GPD2: variants seen among roughly 807,000 people sequenced by gnomAD.
The protein encoded by GPD2 is glycerol-3-phosphate dehydrogenase, mitochondrial.
A neutral mutation model predicts 82.4 loss-of-function variants in GPD2; 54 were observed. That is an observed-to-expected ratio of 0.66 (90% CI 0.53 to 0.82). The LOEUF (loss-of-function observed/expected upper bound fraction) is 0.82, where lower values mean the gene tolerates loss of function less well. Among genes scored for constraint, GPD2 ranks in the 40% least tolerant of loss-of-function variants. GPD2 has a pLI of 0.00. For missense variants in GPD2, 748 were observed against 896.2 expected (o/e 0.83, Z 2.11); for synonymous variants, 288 against 306.1 (o/e 0.94, Z 0.62).
At chr2:156,525,893 G>C (rs1396585002) in intron 6 of GPD2, among the ~76,000 whole-genome samples, 1 of 152,078 alleles carries the variant, frequency 6.6e-6, no homozygotes, top group African/African-American at 2.4e-5. Context: ...TTCTTTCCTT[G>C]TTCTGCCCTA....
At position 156,439,620 on chromosome 2, in the gene GPD2, G is replaced by A. The variant is rs555513734; in HGVS notation, c.-9+3107G>A. 1.3e-3 allele frequency among the ~76,000 whole-genome samples: 200 copies of A among 149,920 alleles called. 4 individuals carry two copies. The South Asian group carries it at 0.015, about 12-fold the overall frequency. On this transcript the variant is annotated intron_variant, in intron 1 of 16. Transcript: ENST00000438166. The stretch of plus-strand genomic sequence containing the variant: ...ACTTTGGGCTGGGAGGCCTAGGCAG[G>A]CGGATCACCTGAGGTCAGGAATTGG...
At chr2:156,406,678 T>C in the GPD2 span, among the ~76,000 whole-genome samples, 3 of 152,174 alleles carry the variant, frequency 2.0e-5, no homozygotes, top group East Asian at 5.8e-4. Flanking sequence ...AGAGTCCTCA[T>C]GGTGGAGGAA....
intron 12 of GPD2, among the ~76,000 whole-genome samples, 199 bp downstream of exon 12, chr2:156,570,417 T>C (rs1238839254): frequency 6.6e-6 from 1 of 152,176 alleles, no homozygotes; most frequent in Non-Finnish European, 1.5e-5. Context: ...TTGATAGTGG[T>C]AATAATAACA....
chr2:156,417,900 A>G, the GPD2 span, among the ~76,000 whole-genome samples: 2 of 152,086 alleles, frequency 1.3e-5, no homozygotes, highest in African/African-American at 4.8e-5. Context: ...ATAAAGAATA[A>G]CAAGTAAATT....
intron 8 of GPD2, among the ~76,000 whole-genome samples, chr2:156,555,450 A>T (rs1372495470): frequency 6.6e-6 from 1 of 152,202 alleles, no homozygotes; most frequent in Non-Finnish European, 1.5e-5. Flanking sequence ...ACATCATATG[A>T]TGTCTAGTCC....
the GPD2 span, among the ~76,000 whole-genome samples, chr2:156,407,301 A>AT: frequency 6.6e-6 from 1 of 152,132 alleles, no homozygotes; most frequent in Non-Finnish European, 1.5e-5. Context: ...TATTAAAAAA[A>AT]TTTTTTTAAT....
intron 6 of GPD2, among the ~76,000 whole-genome samples, chr2:156,540,331 A>G (rs1318691922): frequency 1.3e-5 from 2 of 152,164 alleles, no homozygotes; most frequent in Non-Finnish European, 2.9e-5. Flanking sequence ...CTACCTCTAG[A>G]TCGAAGACTG....
At chr2:156,577,433 G>A (rs990269229) in intron 13 of GPD2, among the ~76,000 whole-genome samples, 1 of 152,142 alleles carries the variant, frequency 6.6e-6, no homozygotes, top group Non-Finnish European at 1.5e-5. Flanking sequence ...GCTGCAGTGA[G>A]CCATGATTGT....
the GPD2 span, among the ~76,000 whole-genome samples, chr2:156,405,752 A>G: frequency 6.6e-6 from 1 of 152,146 alleles, no homozygotes; most frequent in African/African-American, 2.4e-5. Flanking sequence ...CTCTGTTCCC[A>G]TGCTCAGATA....
intron 8 of GPD2, among the ~76,000 whole-genome samples, chr2:156,551,623 TA>T (rs1220139892): frequency 6.6e-6 from 1 of 152,176 alleles, no homozygotes; most frequent in Non-Finnish European, 1.5e-5. Flanking sequence ...TGAGAAATAT[TA>T]GAAGCTACTT....
chr2:156,409,109 T>C, the GPD2 span, among the ~76,000 whole-genome samples: 2 of 152,146 alleles, frequency 1.3e-5, no homozygotes, highest in African/African-American at 2.4e-5. Context: ...ATGCAGCAGA[T>C]TTTCCCTCTC....
Position 156,579,182 on chromosome 2 carries a change from A to G in GPD2, c.1959+18A>G. ...TATTAGAGGTAATTTTCTTTGGTTG[A>G]TGTCAGCCTCTGATACTAGAAGAAT... On this transcript the variant is annotated intron_variant, in intron 15 of 16. Transcript: ENST00000438166. The G allele has an allele frequency of 2.2e-6, 3 of 1,390,078 alleles. No homozygotes were observed. Among genetic ancestry groups the G allele is most frequent in the Non-Finnish European group, 3.1e-6 (3 of 976,290 alleles). 86.1% of individuals were successfully genotyped at this position (1,390,078 alleles called of 1,614,324 possible).
At chr2:156,548,317 T>C (rs1686626380) in intron 6 of GPD2, among the ~76,000 whole-genome samples, 2 of 152,244 alleles carry the variant, frequency 1.3e-5, no homozygotes, top group Admixed American at 1.3e-4. Context: ...TTCCCACTTA[T>C]AGCTCAACTA....
At chr2:156,467,623 T>C (rs1417794034) in intron 1 of GPD2, among the ~76,000 whole-genome samples, 2 of 152,240 alleles carry the variant, frequency 1.3e-5, no homozygotes, top group African/African-American at 4.8e-5. Flanking sequence ...TTCTGTTTTC[T>C]TAGGACTTGA....
At chr2:156,452,272 C>G (rs1682633715) in intron 1 of GPD2, among the ~76,000 whole-genome samples, 1 of 152,272 alleles carries the variant, frequency 6.6e-6, no homozygotes, top group African/African-American at 2.4e-5. Context: ...CCATTGAGCA[C>G]TGAGTGAACC....
chr2:156,462,969 TA>T (rs1356429055), intron 1 of GPD2, among the ~76,000 whole-genome samples: 1 of 152,078 alleles, frequency 6.6e-6, no homozygotes, highest in African/African-American at 2.4e-5. Context: ...CTTAAAGTAT[TA>T]AAAAAGAAGT....
chr2:156,418,255 G>A, the GPD2 span, among the ~76,000 whole-genome samples: 35 of 151,716 alleles, frequency 2.3e-4, no homozygotes, highest in East Asian at 6.2e-3. Context: ...TTAGCCGGAC[G>A]TGGTGGTGGG....
intron 6 of GPD2, among the ~76,000 whole-genome samples, chr2:156,527,875 G>T (rs1685671755): frequency 6.6e-6 from 1 of 151,942 alleles, no homozygotes; most frequent in Non-Finnish European, 1.5e-5. Flanking sequence ...AATGGATTTG[G>T]TGATTTGTGT....
chr2:156,575,031 A>C (rs529834732), intron 13 of GPD2, among the ~76,000 whole-genome samples: 2 of 152,296 alleles, frequency 1.3e-5, no homozygotes, highest in East Asian at 3.9e-4. Flanking sequence ...TTGAAATAGG[A>C]GGCTACTCTG....
Sources: gnomAD v4.1 joint callset for allele counts (sites outside exome capture counted in the v4.1 genomes callset) on GRCh38, gnomAD v4.1.1 for gene constraint, MANE v1.5 for transcripts, NCBI Gene and HGNC (gene_info 2026-07-23, HGNC 2026-07-21) for gene names.